Variants in DAPP1 observed in about 807,000 individuals in gnomAD.
DAPP1 encodes the protein dual adapter for phosphotyrosine and 3-phosphotyrosine and 3-phosphoinositide.
A neutral mutation model predicts 41.5 loss-of-function variants in DAPP1; 20 were observed. The observed-to-expected ratio is 0.48, with a 90% CI of 0.34 to 0.70. The LOEUF is 0.70. Ranked by LOEUF, DAPP1 falls within the 30% of genes least tolerant of loss-of-function variation. DAPP1 has a pLI of 0.01. For missense variants in DAPP1, 233 were observed against 333.4 expected (o/e 0.70, Z 2.35); for synonymous variants, 113 against 116.2 (o/e 0.97, Z 0.18).
intron 3 of DAPP1, among the ~76,000 whole-genome samples, chr4:99,849,966 A>G (rs1046014806): frequency 6.6e-6 from 1 of 152,206 alleles, no homozygotes; most frequent in Admixed American, 6.5e-5. Flanking sequence ...ATGCAAAGGA[A>G]TGAATCCTCC....
Position 99,866,069 on chromosome 4 carries a change from C to G in DAPP1, c.722C>G (p.Ala241Gly), listed in dbSNP as rs1035507327. 2 of 1,590,662 alleles carry G rather than the reference C, an allele frequency of 1.3e-6. No homozygotes were observed. The highest frequency in any genetic ancestry group is 1.7e-6 in the Non-Finnish European group (2 of 1,166,756). The change falls in exon 8 of 9, where the codon GCA becomes GGA. Residue 241 changes from alanine to glycine, a missense_variant. Ala to Gly is a moderately conservative substitution (Grantham distance 60). Transcript: ENST00000512369. ...VFPFRTFYLCAKTGVEADEWI... is the reference protein window; with the variant it reads ...VFPFRTFYLCGKTGVEADEWI... Reference sequence around the variant, plus strand: ...CCATTCAGGACATTTTATCTCTGTGCAAAGACCGGAGTAGAAGCTGATGAG... The same window carrying G: ...CCATTCAGGACATTTTATCTCTGTGGAAAGACCGGAGTAGAAGCTGATGAG...
intron 4 of DAPP1, among the ~76,000 whole-genome samples, chr4:99,858,659 T>A (rs543564415): frequency 6.6e-6 from 1 of 152,370 alleles, no homozygotes; most frequent in African/African-American, 2.4e-5. Context: ...TAATCATTAC[T>A]ATGATTGTTA....
intron 1 of DAPP1, 74 bp from the exon 2 acceptor site, chr4:99,835,549 G>T (rs758615615): frequency 9.6e-5 from 151 of 1,565,048 alleles, no homozygotes; most frequent in Non-Finnish European, 1.3e-4. Context: ...GGTAATCTTT[G>T]CAAGGAAAAG....
At chr4:99,840,483 G>C (rs751474069) in intron 3 of DAPP1, 61 bp downstream of exon 3, 4 of 1,530,372 alleles carry the variant, frequency 2.6e-6, no homozygotes, top group Non-Finnish European at 3.5e-6. Context: ...GAGAGACAAG[G>C]CAGATTTCAA....
intron 1 of DAPP1, among the ~76,000 whole-genome samples, chr4:99,831,973 T>TAA (rs34348509): frequency 1.0e-4 from 15 of 147,098 alleles, no homozygotes; most frequent in Non-Finnish European, 1.8e-4. Context: ...AACACAACCT[T>TAA]AAAAAAAAAA....
intron 1 of DAPP1, among the ~76,000 whole-genome samples, chr4:99,822,914 C>T (rs114473862): frequency 1.6e-4 from 25 of 152,294 alleles, no homozygotes; most frequent in African/African-American, 5.8e-4. Context: ...TATCAGTGTT[C>T]GCTGCTCACC....
intron 1 of DAPP1, among the ~76,000 whole-genome samples, chr4:99,834,009 T>A (rs946140385): frequency 9.8e-5 from 15 of 152,296 alleles, no homozygotes; most frequent in African/African-American, 3.4e-4. Context: ...ATTGGTTAAG[T>A]AACATGTCCA....
intron 2 of DAPP1, among the ~76,000 whole-genome samples, chr4:99,839,049 T>A (rs1431548087): frequency 6.6e-6 from 1 of 152,014 alleles, no homozygotes; most frequent in Non-Finnish European, 1.5e-5. Flanking sequence ...GGGACAGAAG[T>A]GGAAACTCCT....
At chr4:99,867,991 C>A in intron 8 of DAPP1, 126 bp from the exon 9 acceptor site, 1 of 857,158 alleles carries the variant, frequency 1.2e-6, no homozygotes, top group Non-Finnish European at 1.9e-6. Flanking sequence ...GGGGTGAGCA[C>A]ATGATAATTA....
chr4:99,866,815 G>A (rs1724480027), intron 8 of DAPP1, among the ~76,000 whole-genome samples: 1 of 145,922 alleles, frequency 6.9e-6, no homozygotes, highest in East Asian at 2.0e-4. Context: ...TGTTGCCCAG[G>A]CTGGAGTGCA....
At chr4:99,852,311 GT>G (rs1488772459) in intron 3 of DAPP1, among the ~76,000 whole-genome samples, 1 of 152,028 alleles carries the variant, frequency 6.6e-6, no homozygotes, top group Non-Finnish European at 1.5e-5. Context: ...AAAGACCCTA[GT>G]AAAATTAAAA....
intron 1 of DAPP1, among the ~76,000 whole-genome samples, chr4:99,823,226 G>A (rs528524353): frequency 6.6e-6 from 1 of 152,132 alleles, no homozygotes; most frequent in East Asian, 1.9e-4. Context: ...TATTCTACCT[G>A]AAATATGGGT....
downstream of DAPP1, among the ~76,000 whole-genome samples, chr4:99,871,601 T>C (rs535854152): frequency 2.0e-5 from 3 of 152,354 alleles, no homozygotes; most frequent in Admixed American, 1.3e-4. Flanking sequence ...TCTGTACTTA[T>C]CTTGCTAGCA....
chr4:99,857,318 G>C (rs747854057), intron 4 of DAPP1, among the ~76,000 whole-genome samples: 1 of 152,006 alleles, frequency 6.6e-6, no homozygotes, highest in Non-Finnish European at 1.5e-5. Context: ...TGGGTTGAGG[G>C]GATGAGAAAG....
chr4:99,835,492 G>A, intron 1 of DAPP1, 131 bp from the exon 2 acceptor site: 1 of 1,315,494 alleles, frequency 7.6e-7, no homozygotes, highest in Non-Finnish European at 1.0e-6. Flanking sequence ...CTAATGTTGG[G>A]GCTGAGAGCT....
intron 4 of DAPP1, among the ~76,000 whole-genome samples, chr4:99,859,364 C>T (rs1724158894): frequency 6.6e-6 from 1 of 152,144 alleles, no homozygotes; most frequent in Non-Finnish European, 1.5e-5. Flanking sequence ...CTCTAGAAAT[C>T]GACATCTAGG....
At position 99,860,354 on chromosome 4, in the gene DAPP1, C is replaced by T. The variant is rs568553849; in HGVS notation, c.490-1224C>T. Among the ~76,000 whole-genome samples, 34 of 152,292 alleles carry T rather than the reference C, an allele frequency of 2.2e-4. 2 individuals carry two copies. The South Asian group carries it at 7.0e-3, about 32-fold the overall frequency. On this transcript the variant is annotated intron_variant, in intron 4 of 8. Transcript: ENST00000512369. ...TCAGGATCTTTTATACAACAATTTA[C>T]TCCTAGTTATTTTGCCTCTACAGAT...
Position 99,861,618 on chromosome 4 carries a change from TG to T in DAPP1, c.532del (p.Val178SerfsTer16). On this transcript the variant is annotated frameshift_variant, in exon 5 of 9. Transcript: ENST00000512369. LOFTEE classifies it high-confidence loss of function. ...GGTTACCTCACCAAACAGGGAGGCCTGGTCAAGGTAAGGAAGTGTGGTTTTG... is the reference window on the plus strand; with the variant it reads ...GGTTACCTCACCAAACAGGGAGGCCTGTCAAGGTAAGGAAGTGTGGTTTTG... ...KEGYLTKQGG[L>X]VKTWKTRWFT... The T allele has an allele frequency of 6.4e-7, 1 of 1,573,252 alleles. No homozygotes were observed. Among genetic ancestry groups the T allele is most frequent in the Non-Finnish European group, 8.6e-7 (1 of 1,158,208 alleles).
At chr4:99,817,047 G>T (rs1355016836) in intron 1 of DAPP1, 33 bp downstream of exon 1, 1 of 1,528,098 alleles carries the variant, frequency 6.5e-7, no homozygotes, top group Admixed American at 1.9e-5. Context: ...AAAGTACCTA[G>T]TGGGTGGACA....
Sources: allele counts gnomAD v4.1 joint callset (sites outside exome capture counted in the v4.1 genomes callset), GRCh38; gene constraint gnomAD v4.1.1; transcripts MANE v1.5; gene names NCBI Gene and HGNC (gene_info 2026-07-23, HGNC 2026-07-21).